Variants in CD99 observed in about 807,000 individuals in gnomAD.
CD99 encodes CD99 antigen.
A neutral mutation model predicts 28.4 loss-of-function variants in CD99; 19 were observed. The observed-to-expected ratio is 0.67, with a 90% CI of 0.47 to 0.98. The LOEUF (loss-of-function observed/expected upper bound fraction) is 0.98, where lower values mean the gene tolerates loss of function less well. Among genes scored for constraint, CD99 ranks in the 50% least tolerant of loss-of-function variants. The pLI, the probability that CD99 is intolerant of heterozygous loss-of-function variation, is 0.00. For missense variants in CD99, 283 were observed against 248.8 expected (o/e 1.14, Z -0.92); for synonymous variants, 103 against 92.1 (o/e 1.12, Z -0.67).
At chrX:2,740,212 A>G (rs2050136079) in intron 9 of CD99, among the ~76,000 whole-genome samples, 1 of 152,216 alleles carries the variant, frequency 6.6e-6, no homozygotes, top group Non-Finnish European at 1.5e-5. Flanking sequence ...CCTTCTGCCC[A>G]CTGCAATGAA....
chrX:2,705,193 G>A (rs186926472), intron 1 of CD99, among the ~76,000 whole-genome samples: 21 of 152,316 alleles, frequency 1.4e-4, no homozygotes, highest in Middle Eastern at 6.8e-3. Flanking sequence ...TGGACTCAGC[G>A]GTTAAATCTA....
In CD99 at chrX:2,719,705, G is replaced by A. The variant is rs1346959445; in HGVS notation, c.193G>A (p.Asp65Asn). 1.9e-6 allele frequency: 3 copies of A among 1,613,408 alleles called. No homozygotes were observed. The highest frequency in any genetic ancestry group is 1.7e-6 in the Non-Finnish European group (2 of 1,179,572). Residue 65 changes from aspartate (D) to asparagine (N), a missense_variant and splice_region_variant, in exon 4 of 10, where the codon GAC becomes AAC. Physicochemically the swap from Asp to Asn is conservative, Grantham distance 23. Coordinates refer to ENST00000381192, the MANE Select transcript of CD99 (RefSeq NM_002414.5). ...LGDAVVDGEN[D>N]DPRPPNPPKP... ...AGATGCTGTTGTTGATGGAGAAAAT[G>A]GTGAGTATTTTCCTTTAATCTCTTC...
intron 6 of CD99, 41 bp downstream of exon 6, chrX:2,722,715 C>T: frequency 6.4e-7 from 1 of 1,572,172 alleles, no homozygotes; most frequent in South Asian, 1.1e-5. Context: ...TCTCTCCATC[C>T]CATGATGCCC....
At chrX:2,705,983 G>A (rs1246890065) in intron 1 of CD99, among the ~76,000 whole-genome samples, 1 of 151,480 alleles carries the variant, frequency 6.6e-6, no homozygotes, top group Non-Finnish European at 1.5e-5. Context: ...GACCCTTCCC[G>A]AGGCCCCCCA....
At chrX:2,713,554 C>A (rs767934889) in intron 1 of CD99, among the ~76,000 whole-genome samples, 14 of 152,280 alleles carry the variant, frequency 9.2e-5, no homozygotes, top group Admixed American at 6.5e-4. Context: ...ACACACATAC[C>A]CCTGTGACAT....
chrX:2,736,689 C>G (rs2049957974), intron 8 of CD99, among the ~76,000 whole-genome samples: 1 of 151,846 alleles, frequency 6.6e-6, no homozygotes, highest in South Asian at 2.1e-4. Context: ...AACCCCATCT[C>G]TACTAAAAAT....
At chrX:2,695,664 C>T (rs963536870) in intron 1 of CD99, among the ~76,000 whole-genome samples, 37 of 148,480 alleles carry the variant, frequency 2.5e-4, no homozygotes, top group African/African-American at 8.5e-4. Flanking sequence ...GACAGTGTCT[C>T]ACTGTGTCAC....
chrX:2,720,416 G>C lies in CD99; in HGVS notation c.254G>C (p.Ser85Thr). ...PMPNPNPNHP[S>T]SSGSFSDADL... is the part of the protein sequence containing the mutation. ...CCAAATCCAAACCCCAACCACCCTAGTTCCTCCGGTAAGAGTCTCTGACCC... is the reference window on the plus strand; with the variant it reads ...CCAAATCCAAACCCCAACCACCCTACTTCCTCCGGTAAGAGTCTCTGACCC... Residue 85 changes from serine to threonine, a missense_variant, in exon 5 of 10, where the codon AGT (serine) becomes ACT (threonine). Coordinates refer to ENST00000381192, the MANE Select transcript of CD99 (RefSeq NM_002414.5). 1 of 1,613,586 alleles carries C rather than the reference G, an allele frequency of 6.2e-7. No individual in the cohort carries two copies. Among genetic ancestry groups the C allele is most frequent in the Non-Finnish European group, 8.5e-7 (1 of 1,179,736 alleles).
chrX:2,700,693 A>G (rs1392589344), intron 1 of CD99, among the ~76,000 whole-genome samples: 1 of 151,294 alleles, frequency 6.6e-6, no homozygotes, highest in East Asian at 2.0e-4. Context: ...CTTTTAGTTC[A>G]TCCAGCCACT....
intron 7 of CD99, 102 bp from the exon 8 acceptor site, chrX:2,726,158 C>T (rs1262792157): frequency 4.3e-6 from 3 of 696,086 alleles, no homozygotes; most frequent in Middle Eastern, 4.0e-4. Context: ...TTCTGAGGAT[C>T]TTGGTGCTCT....
Position 2,712,415 on chromosome X carries a change from A to G in CD99, c.68-2007A>G, listed in dbSNP as rs188283776. ...CAAATAAATAGGCGAGGTAAGATGTAAATAAAGAAAAAAAATACTTCAAAA... is the reference window on the plus strand; with the variant it reads ...CAAATAAATAGGCGAGGTAAGATGTGAATAAAGAAAAAAAATACTTCAAAA... On this transcript the variant is annotated intron_variant, in intron 1 of 9. Transcript: ENST00000381192. Among the ~76,000 whole-genome samples, 508 of 122,006 alleles carry G rather than the reference A, an allele frequency of 4.2e-3. 2 individuals carry two copies. Among genetic ancestry groups the G allele is most frequent in the African/African-American group, 0.012 (490 of 39,576 alleles). 80.0% of individuals were successfully genotyped at this position (122,006 alleles called of 152,430 possible).
intron 1 of CD99, among the ~76,000 whole-genome samples, chrX:2,692,418 G>C (rs190155602): frequency 8.5e-5 from 13 of 152,318 alleles, no homozygotes; most frequent in African/African-American, 2.6e-4. Context: ...GAGGAGGCCC[G>C]ATTTGTGTTG....
chrX:2,700,146 C>A (rs1026025018), intron 1 of CD99, among the ~76,000 whole-genome samples: 1 of 152,082 alleles, frequency 6.6e-6, no homozygotes, highest in African/African-American at 2.4e-5. Flanking sequence ...GAACAGAGCT[C>A]CCCAGGCACG....
chrX:2,738,911 G>A (rs897535335), intron 9 of CD99, among the ~76,000 whole-genome samples: 7 of 151,812 alleles, frequency 4.6e-5, no homozygotes, highest in Non-Finnish European at 7.4e-5. Context: ...GCAGTGGCAC[G>A]ATCATAACTT....
chrX:2,740,778 G>A lies in CD99; in HGVS notation c.533-1G>A, dbSNP rs1394014836. ...CTTTCTTTTGTCTCTGTCTCCCACAGTTCAGCGTACTCTTTTAGAGAAATA... is the reference window on the plus strand; with the variant it reads ...CTTTCTTTTGTCTCTGTCTCCCACAATTCAGCGTACTCTTTTAGAGAAATA... On this transcript the variant is annotated splice_acceptor_variant, in intron 9 of 9. Transcript: ENST00000381192. LOFTEE classifies it high-confidence loss of function. 1 of 1,613,810 alleles carries A rather than the reference G, an allele frequency of 6.2e-7. No individual in the cohort carries two copies. Among genetic ancestry groups the A allele is most frequent in the Non-Finnish European group, 8.5e-7 (1 of 1,179,858 alleles).
At chrX:2,727,717 T>C (rs1454496851) in intron 8 of CD99, among the ~76,000 whole-genome samples, 3 of 152,262 alleles carry the variant, frequency 2.0e-5, no homozygotes, top group Non-Finnish European at 2.9e-5. Context: ...CCTCAAGTGA[T>C]CCACCCGCCT....
At chrX:2,714,670 C>A in intron 2 of CD99, 2 of 427,952 alleles carry the variant, frequency 4.7e-6, no homozygotes, top group South Asian at 7.5e-5. Context: ...CAGTATACTC[C>A]AATTGAAAAT....
At chrX:2,737,782 C>G (rs909089162) in intron 8 of CD99, 1 of 343,070 alleles carries the variant, frequency 2.9e-6, no homozygotes, top group African/African-American at 2.1e-5. Context: ...AGGCGTGAGT[C>G]ACCACGCCCA....
At chrX:2,706,221 G>C (rs999154422) in intron 1 of CD99, among the ~76,000 whole-genome samples, 5 of 152,084 alleles carry the variant, frequency 3.3e-5, no homozygotes, top group African/African-American at 1.2e-4. Flanking sequence ...TCAGCCGGGC[G>C]TGGTGGTGGG....
Sources: gnomAD v4.1 joint callset for allele counts (sites outside exome capture counted in the v4.1 genomes callset) on GRCh38, gnomAD v4.1.1 for gene constraint, MANE v1.5 for transcripts, NCBI Gene and HGNC (gene_info 2026-07-23, HGNC 2026-07-21) for gene names.